Variants in NHS observed in about 807,000 individuals in gnomAD.
NHS encodes the protein actin remodeling regulator NHS.
Under a neutral mutation model 72.5 loss-of-function variants are expected in NHS, and 5 were observed. That is an observed-to-expected ratio of 0.07 (90% CI 0.04 to 0.14). The LOEUF is 0.14. Ranked by LOEUF, NHS falls within the 10% of genes least tolerant of loss-of-function variation. The pLI is 1.00. For synonymous variants in NHS, 464 were observed against 547.7 expected (o/e 0.85, Z 2.13); for missense variants, 1,072 against 1,355.7 (o/e 0.79, Z 3.29).
At chrX:17,673,177 AACACACAC>A (rs56271300) in intron 1 of NHS, among the ~76,000 whole-genome samples, 3,359 of 65,426 alleles carry the variant, frequency 0.051, 184 homozygotes, top group African/African-American at 0.14. Flanking sequence ...TGGAAGATGA[AACACACAC>A]ACACACACAC....
intron 1 of NHS, among the ~76,000 whole-genome samples, chrX:17,424,498 T>C (rs2064639940): frequency 2.7e-5 from 3 of 111,968 alleles, no homozygotes. Context: ...CAATGAGTGG[T>C]CTGGGTGCAG....
At chrX:17,615,770 G>T (rs1370652806) in intron 1 of NHS, among the ~76,000 whole-genome samples, 2 of 103,911 alleles carry the variant, frequency 1.9e-5, no homozygotes, top group African/African-American at 7.0e-5. Flanking sequence ...TACATCATCT[G>T]CACTGCCCAC....
At chrX:17,462,779 G>A (rs944975794) in intron 1 of NHS, among the ~76,000 whole-genome samples, 1 of 111,296 alleles carries the variant, frequency 9.0e-6, no homozygotes, top group African/African-American at 3.3e-5. Context: ...TCTAATTCAC[G>A]GCATCGTTTC....
intron 1 of NHS, among the ~76,000 whole-genome samples, chrX:17,408,886 T>A (rs1182624026): frequency 9.0e-6 from 1 of 111,478 alleles, no homozygotes; most frequent in African/African-American, 3.3e-5. Context: ...TTTCTTGTCT[T>A]GTAGATAACT....
In NHS at chrX:17,726,903, C is replaced by A; in HGVS notation, c.2797C>A (p.Pro933Thr). The A allele has an allele frequency of 8.3e-7, 1 of 1,211,569 alleles. No individual in the cohort carries two copies. Among genetic ancestry groups the A allele is most frequent in the Non-Finnish European group, 1.1e-6 (1 of 895,411 alleles). The change falls in exon 7 of 9, where the codon CCA (proline) becomes ACA (threonine). Residue 933 changes from proline to threonine, a missense_variant. Physicochemically the swap from Pro to Thr is conservative, Grantham distance 38. Transcript: ENST00000676302. ...ACCTCAGTTAGATGCTTCGGATATT[C>A]CACCATTCAAAGATGAAGTTGCCGA... ...KEPQLDASDI[P>T]PFKDEVAEST...
intron 1 of NHS, among the ~76,000 whole-genome samples, chrX:17,424,533 C>A (rs145301543): frequency 8.9e-6 from 1 of 111,803 alleles, no homozygotes; most frequent in Admixed American, 9.5e-5. Context: ...GCATGTCCAC[C>A]GCTCTTGCCC....
intron 1 of NHS, among the ~76,000 whole-genome samples, chrX:17,607,639 A>G (rs2065687720): frequency 9.0e-6 from 1 of 111,681 alleles, no homozygotes; most frequent in Non-Finnish European, 1.9e-5. Flanking sequence ...AGAACTTTCT[A>G]TGATGATGGA....
chrX:17,382,725 A>G (rs1438494351), intron 1 of NHS, among the ~76,000 whole-genome samples: 2 of 112,450 alleles, frequency 1.8e-5, no homozygotes, highest in Non-Finnish European at 3.8e-5. Context: ...TGACTTTTCT[A>G]GAACTCTGTG....
chrX:17,543,182 C>T (rs73443630), intron 1 of NHS, among the ~76,000 whole-genome samples: 4,512 of 111,272 alleles, frequency 0.041, 227 homozygotes, highest in African/African-American at 0.14. Flanking sequence ...GTGATGTTGG[C>T]CCACGGGTCA....
chrX:17,620,948 G>A (rs950613914), intron 1 of NHS, among the ~76,000 whole-genome samples: 7 of 111,686 alleles, frequency 6.3e-5, no homozygotes, highest in African/African-American at 2.3e-4. Context: ...AGCCTCATTT[G>A]CTCTGTTTCC....
At chrX:17,497,626 G>T (rs967467790) in intron 1 of NHS, among the ~76,000 whole-genome samples, 2 of 111,227 alleles carry the variant, frequency 1.8e-5, no homozygotes, top group Non-Finnish European at 3.8e-5. Context: ...TCCTCACCTC[G>T]ATATGTTTTA....
chrX:17,553,440 CTCTT>C (rs1158070352), intron 1 of NHS, among the ~76,000 whole-genome samples: 6 of 112,817 alleles, frequency 5.3e-5, no homozygotes, highest in African/African-American at 1.9e-4. Flanking sequence ...AGCAGATTAA[CTCTT>C]TCCTCACTTC....
chrX:17,576,617 G>A (rs1391732999), intron 1 of NHS, among the ~76,000 whole-genome samples: 1 of 112,267 alleles, frequency 8.9e-6, no homozygotes, highest in Non-Finnish European at 1.9e-5. Flanking sequence ...GTTACCAACA[G>A]CCTTGCCCTG....
intron 1 of NHS, among the ~76,000 whole-genome samples, chrX:17,396,222 G>A (rs1181203851): frequency 8.9e-6 from 1 of 111,881 alleles, no homozygotes; most frequent in East Asian, 2.8e-4. Context: ...TTACATTTGT[G>A]AGTCAGTAGA....
chrX:17,644,186 C>T (rs767608046), intron 1 of NHS, among the ~76,000 whole-genome samples: 9 of 112,029 alleles, frequency 8.0e-5, no homozygotes, highest in East Asian at 5.6e-4. Context: ...CAAAGCTGCC[C>T]GGGGCCAAAA....
At chrX:17,667,884 T>A (rs1389912847) in intron 1 of NHS, among the ~76,000 whole-genome samples, 4 of 109,930 alleles carry the variant, frequency 3.6e-5, no homozygotes, top group Non-Finnish European at 5.7e-5. Context: ...TCATGGACAG[T>A]CTCCCAGCTC....
At chrX:17,573,481 G>C (rs1047242688) in intron 1 of NHS, among the ~76,000 whole-genome samples, 4 of 108,944 alleles carry the variant, frequency 3.7e-5, no homozygotes, top group African/African-American at 1.3e-4. Context: ...AGCTATTGAA[G>C]CTTATGTATG....
intron 1 of NHS, among the ~76,000 whole-genome samples, chrX:17,423,328 G>A (rs922592764): frequency 8.0e-5 from 9 of 111,939 alleles, no homozygotes; most frequent in African/African-American, 2.6e-4. Context: ...TATCAACCAG[G>A]GTGAAGATAT....
At chrX:17,451,058 A>ATACT (rs113985185) in intron 1 of NHS, among the ~76,000 whole-genome samples, 1,623 of 112,264 alleles carry the variant, frequency 0.014, 35 homozygotes, top group African/African-American at 0.049. Context: ...TTGGTTTCAA[A>ATACT]TAGTACAACA....
Sources: gnomAD v4.1 joint callset for allele counts (sites outside exome capture counted in the v4.1 genomes callset) on GRCh38, gnomAD v4.1.1 for gene constraint, MANE v1.5 for transcripts, NCBI Gene and HGNC (gene_info 2026-07-23, HGNC 2026-07-21) for gene names.